Variants in ODAD2 observed in about 807,000 individuals in gnomAD.
The protein encoded by ODAD2 is outer dynein arm-docking complex subunit 2.
In ODAD2, 89 loss-of-function variants were observed where a neutral mutation model predicts 106.8. The observed-to-expected ratio is 0.83, with a 90% CI of 0.70 to 0.99. The LOEUF (loss-of-function observed/expected upper bound fraction) is 0.99, where lower values mean the gene tolerates loss of function less well. Among genes scored for constraint, ODAD2 ranks in the 50% least tolerant of loss-of-function variants. The probability of loss-of-function intolerance (pLI) is 0.00; values close to 1 mark genes in which losing one functional copy is unlikely to be tolerated. For missense variants in ODAD2, 1,168 were observed against 1,238.5 expected (o/e 0.94, Z 0.85); for synonymous variants, 404 against 436.2 (o/e 0.93, Z 0.92).
At chr10:27,838,388 T>C (rs928762605) in intron 19 of ODAD2, among the ~76,000 whole-genome samples, 1 of 152,236 alleles carries the variant, frequency 6.6e-6, no homozygotes, top group East Asian at 1.9e-4. Context: ...TGCCAATTAA[T>C]ATAATGGATT....
intron 16 of ODAD2, among the ~76,000 whole-genome samples, chr10:27,919,551 A>T (rs934055821): frequency 6.6e-6 from 1 of 152,154 alleles, no homozygotes; most frequent in African/African-American, 2.4e-5. Flanking sequence ...AAGATATGGA[A>T]AGTTACTCAA....
intron 19 of ODAD2, among the ~76,000 whole-genome samples, chr10:27,814,495 A>G (rs1835976331): frequency 6.6e-6 from 1 of 152,180 alleles, no homozygotes; most frequent in Non-Finnish European, 1.5e-5. Context: ...ATTGTCACTG[A>G]TCTTCACACT....
At chr10:27,894,088 T>A (rs538393617) in intron 17 of ODAD2, among the ~76,000 whole-genome samples, 2 of 152,310 alleles carry the variant, frequency 1.3e-5, no homozygotes, top group South Asian at 2.1e-4. Flanking sequence ...GACATTGCAG[T>A]GTGCAAATGT....
At chr10:27,986,473 C>A (rs1849880524) in intron 3 of ODAD2, among the ~76,000 whole-genome samples, 1 of 152,118 alleles carries the variant, frequency 6.6e-6, no homozygotes, top group Non-Finnish European at 1.5e-5. Flanking sequence ...TATTAACTAC[C>A]TCCTTGAATT....
chr10:27,973,631 G>T (rs1354982738), intron 7 of ODAD2, among the ~76,000 whole-genome samples: 2 of 151,930 alleles, frequency 1.3e-5, no homozygotes, highest in African/African-American at 4.8e-5. Context: ...CTTTTTTATG[G>T]CTGTGTAGTA....
At chr10:27,902,900 A>G (rs1204521009) in intron 17 of ODAD2, among the ~76,000 whole-genome samples, 1 of 152,208 alleles carries the variant, frequency 6.6e-6, no homozygotes, top group African/African-American at 2.4e-5. Flanking sequence ...TCCTTCTGAA[A>G]CCATTCCAAG....
chr10:27,939,564 A>C (rs1372664348), intron 14 of ODAD2, among the ~76,000 whole-genome samples: 1 of 151,864 alleles, frequency 6.6e-6, no homozygotes, highest in African/African-American at 2.4e-5. Context: ...TCTCTACCAA[A>C]AATACAAAAA....
At chr10:27,868,171 C>A (rs1840592105) in intron 17 of ODAD2, among the ~76,000 whole-genome samples, 2 of 152,106 alleles carry the variant, frequency 1.3e-5, no homozygotes, top group Non-Finnish European at 2.9e-5. Flanking sequence ...ATTAAAAAGT[C>A]AAGAAACAAC....
Position 27,983,847 on chromosome 10 carries a change from T to C in ODAD2, c.815A>G (p.Asn272Ser). 1 of 1,613,392 alleles carries C rather than the reference T, an allele frequency of 6.2e-7. No homozygotes were observed. The highest frequency in any genetic ancestry group is 8.5e-7 in the Non-Finnish European group (1 of 1,179,790). ...CGTTTTTAAAAATTTACTTACACCATTTAAAAATACTCCTCCTGCACTGCA... is the reference window on the plus strand; with the variant it reads ...CGTTTTTAAAAATTTACTTACACCACTTAAAAATACTCCTCCTGCACTGCA... ...ITCSAGGVFLNGGKTDDEGDV... is the reference protein window; with the variant it reads ...ITCSAGGVFLSGGKTDDEGDV... Residue 272 changes from asparagine to serine, a missense_variant, in exon 6 of 20, where the codon AAT becomes AGT. By Grantham distance (46) the Asn-to-Ser change is conservative (BLOSUM62 1). This residue lies in a region of ODAD2 where 430 missense variants were observed against 452.2 expected (regional missense o/e 0.95). Coordinates refer to ENST00000305242, the MANE Select transcript of ODAD2 (RefSeq NM_018076.5).
At chr10:27,866,426 A>G (rs1329886366) in intron 17 of ODAD2, among the ~76,000 whole-genome samples, 2 of 152,194 alleles carry the variant, frequency 1.3e-5, no homozygotes, top group African/African-American at 4.8e-5. Flanking sequence ...AAAAGCAAAA[A>G]CAGGGGCTCT....
chr10:27,916,504 T>C (rs896285658), intron 16 of ODAD2, among the ~76,000 whole-genome samples: 2 of 145,570 alleles, frequency 1.4e-5, no homozygotes, highest in African/African-American at 5.5e-5. Context: ...TTGAGCTGTG[T>C]GGGACCACTT....
intron 19 of ODAD2, among the ~76,000 whole-genome samples, chr10:27,834,848 A>C (rs1462589647): frequency 6.6e-6 from 1 of 152,136 alleles, no homozygotes; most frequent in Non-Finnish European, 1.5e-5. Flanking sequence ...AACACACCTA[A>C]GTCATAGAGT....
In ODAD2 at chr10:27,944,423, T is replaced by G. The variant is rs1442183819; in HGVS notation, c.1542A>C (p.Ser514=). ...GACTGATTTCCTTCAGTATTTTTAA[T>G]GAACCAATCTGTGTGAGAAAAAAAA... ...ETDEVKCKIG[S]LKILKEISHN... is the part of the protein sequence containing the mutation. Residue 514 remains serine, a synonymous_variant, in exon 12 of 20, where the codon TCA becomes TCC. Transcript: ENST00000305242. The G allele has an allele frequency of 1.2e-6, 2 of 1,613,286 alleles. No individual in the cohort carries two copies. Among genetic ancestry groups the G allele is most frequent in the South Asian group, 1.1e-5 (1 of 91,062 alleles).
At chr10:27,987,320 T>A in intron 3 of ODAD2, 66 bp downstream of exon 3, 1 of 1,473,526 alleles carries the variant, frequency 6.8e-7, no homozygotes, top group Non-Finnish European at 9.3e-7. Context: ...CCTCCCACCC[T>A]TTCCCCACTT....
At position 27,876,562 on chromosome 10, in the gene ODAD2, C is replaced by T. The variant is rs1841352775; in HGVS notation, c.2611-13940G>A. ...CCTTTCAAACTCCCACAAACTCCCA[C>T]TTAGCCCTGCAAACTCTAACTCAAC... On this transcript the variant is annotated intron_variant, in intron 17 of 19. Coordinates refer to ENST00000305242, the MANE Select transcript of ODAD2 (RefSeq NM_018076.5). Among the ~76,000 whole-genome samples the T allele has an allele frequency of 2.6e-5, 4 of 152,342 alleles. No homozygotes were observed. The South Asian group carries it at 6.2e-4, about 24-fold the overall frequency.
intron 19 of ODAD2, among the ~76,000 whole-genome samples, chr10:27,818,723 C>T (rs1354012315): frequency 6.6e-6 from 1 of 152,218 alleles, no homozygotes; most frequent in Non-Finnish European, 1.5e-5. Flanking sequence ...TGGCCACCCG[C>T]CTCGCTTCTG....
intron 17 of ODAD2, among the ~76,000 whole-genome samples, chr10:27,878,813 A>G (rs2133539370): frequency 6.6e-6 from 1 of 152,260 alleles, no homozygotes; most frequent in Admixed American, 6.5e-5. Flanking sequence ...CTCTATCACA[A>G]TAAGATCCTT....
intron 17 of ODAD2, among the ~76,000 whole-genome samples, chr10:27,906,090 T>G (rs865968526): frequency 6.6e-5 from 10 of 152,082 alleles, no homozygotes; most frequent in African/African-American, 2.4e-4. Flanking sequence ...ACCTACAGAA[T>G]GGGAAAAATT....
At chr10:27,961,417 A>T (rs748466863) in intron 10 of ODAD2, 151 bp downstream of exon 10, 2 of 721,678 alleles carry the variant, frequency 2.8e-6, no homozygotes, top group African/African-American at 1.8e-5. Context: ...GGGTAATAAG[A>T]CCTTGCCCTG....
Sources: gnomAD v4.1 joint callset for allele counts (sites outside exome capture counted in the v4.1 genomes callset) on GRCh38, gnomAD v4.1.1 for gene constraint, gnomAD v4.1.1 regional missense constraint, MANE v1.5 for transcripts, NCBI Gene and HGNC (gene_info 2026-07-23, HGNC 2026-07-21) for gene names.